The following SH3PXD2A variants were observed in gnomAD, a reference collection of about 807,000 sequenced individuals.
SH3PXD2A encodes the protein SH3 and PX domains 2A, also known as SH3 and PX domain-containing protein 2A.
A neutral mutation model predicts 115.2 loss-of-function variants in SH3PXD2A; 32 were observed. The observed-to-expected ratio is 0.28, with a 90% confidence interval of 0.21 to 0.37. The LOEUF (loss-of-function observed/expected upper bound fraction) is 0.37, where lower values mean the gene tolerates loss of function less well. SH3PXD2A is among the 10% of genes least tolerant of loss of function. The pLI is 1.00. For missense variants in SH3PXD2A, 1,328 were observed against 1,498.7 expected, an observed-to-expected ratio of 0.89 and a Z score of 1.88; for synonymous variants, 610 against 629.1, an observed-to-expected ratio of 0.97 and a Z score of 0.45.
At chr10:103,805,753 G>A (rs1262663792) in intron 1 of SH3PXD2A, among the ~76,000 whole-genome samples, 1 of 152,216 alleles carries the variant, frequency 6.6e-6, no homozygotes, top group Non-Finnish European at 1.5e-5. Flanking sequence ...GCAGGGCGCA[G>A]TGGCTCATGC....
chr10:103,644,157 G>A (rs1304116261), intron 8 of SH3PXD2A, among the ~76,000 whole-genome samples: 3 of 147,264 alleles, frequency 2.0e-5, no homozygotes, highest in Non-Finnish European at 3.0e-5. Flanking sequence ...CCGAACCTTG[G>A]TTCAAATCCA....
chr10:103,719,892 G>A (rs868492731), intron 5 of SH3PXD2A, among the ~76,000 whole-genome samples: 1 of 151,920 alleles, frequency 6.6e-6, no homozygotes, highest in South Asian at 2.1e-4. Context: ...GCTAATTTTT[G>A]TATTTTTAGC....
At chr10:103,841,552 A>T (rs1393017421) in intron 1 of SH3PXD2A, among the ~76,000 whole-genome samples, 2 of 152,176 alleles carry the variant, frequency 1.3e-5, no homozygotes, top group East Asian at 3.9e-4. Context: ...CCATTAGGTC[A>T]TCATGAGGCC....
chr10:103,650,630 CAAGGCCTACCTTCTCCAG>C (rs2134021502), intron 8 of SH3PXD2A, among the ~76,000 whole-genome samples: 1 of 152,314 alleles, frequency 6.6e-6, no homozygotes, highest in East Asian at 1.9e-4. Flanking sequence ...GCCCCTTGTT[CAAGGCCTACCTTCTCCAG>C]AAGTAGGCCT....
At chr10:103,709,849 T>C (rs1223937621) in intron 5 of SH3PXD2A, among the ~76,000 whole-genome samples, 1 of 152,246 alleles carries the variant, frequency 6.6e-6, no homozygotes, top group Non-Finnish European at 1.5e-5. Context: ...CTCATGCCTA[T>C]AATCCCAGCA....
At chr10:103,835,411 G>T (rs1467622363) in intron 1 of SH3PXD2A, among the ~76,000 whole-genome samples, 1 of 152,216 alleles carries the variant, frequency 6.6e-6, no homozygotes, top group Non-Finnish European at 1.5e-5. Flanking sequence ...GGGAAGGTCT[G>T]TTTCTCTGCC....
chr10:103,605,668 G>A, intron 14 of SH3PXD2A, 130 bp downstream of exon 14: 1 of 1,129,566 alleles, frequency 8.9e-7, no homozygotes, highest in Non-Finnish European at 1.3e-6. Flanking sequence ...CATCTTTGTG[G>A]GGCTCATTTC....
intron 7 of SH3PXD2A, chr10:103,661,514 C>T (rs963612081): frequency 1.0e-4 from 36 of 354,352 alleles, no homozygotes; most frequent in African/African-American, 7.3e-4. Flanking sequence ...GCCTCCCTCT[C>T]GGGCCGGCAG....
intron 2 of SH3PXD2A, among the ~76,000 whole-genome samples, chr10:103,787,419 T>C (rs74157342): frequency 0.046 from 7,023 of 152,316 alleles, 204 homozygotes; most frequent in South Asian, 0.11. Context: ...TCTTAAAACA[T>C]TGGCACTTTG....
chr10:103,618,989 G>A (rs996593208), intron 10 of SH3PXD2A, among the ~76,000 whole-genome samples: 1 of 152,230 alleles, frequency 6.6e-6, no homozygotes, highest in Non-Finnish European at 1.5e-5. Flanking sequence ...CTGCCAGGCT[G>A]TGAAGACAGA....
chr10:103,656,082 G>A (rs1457879293), intron 8 of SH3PXD2A, among the ~76,000 whole-genome samples: 8 of 152,188 alleles, frequency 5.3e-5, no homozygotes, highest in Non-Finnish European at 1.0e-4. Context: ...ACAGTATATA[G>A]ACTTAGATCT....
chr10:103,673,070 T>G (rs2037485498), intron 6 of SH3PXD2A: 1 of 152,330 alleles, frequency 6.6e-6, no homozygotes, highest in African/African-American at 2.4e-5. Context: ...TGCCCCTGAC[T>G]TTAAGGACAA....
intron 13 of SH3PXD2A, among the ~76,000 whole-genome samples, chr10:103,610,785 C>T (rs1052192646): frequency 6.6e-6 from 1 of 152,210 alleles, no homozygotes; most frequent in Non-Finnish European, 1.5e-5. Context: ...TAAGAGATGG[C>T]TAGTACTGTC....
chr10:103,630,025 T>A (rs1381033618), intron 8 of SH3PXD2A, among the ~76,000 whole-genome samples: 2 of 152,202 alleles, frequency 1.3e-5, no homozygotes, highest in Non-Finnish European at 2.9e-5. Context: ...TCCCCTGCCT[T>A]TTGCCTGAAG....
At chr10:103,677,079 C>T (rs115122066) in intron 6 of SH3PXD2A, among the ~76,000 whole-genome samples, 3,119 of 152,266 alleles carry the variant, frequency 0.02, 96 homozygotes, top group African/African-American at 0.07. Flanking sequence ...CCCTGAGAGC[C>T]GCGAGTGAGT....
intron 2 of SH3PXD2A, 29 bp from the exon 3 acceptor site, chr10:103,767,198 G>A (rs2038763509): frequency 6.4e-7 from 1 of 1,559,658 alleles, no homozygotes; most frequent in African/African-American, 1.4e-5. Flanking sequence ...AGAGGGACAG[G>A]ATTCAGAAGA....
chr10:103,660,903 G>T, intron 8 of SH3PXD2A, 80 bp downstream of exon 8: 1 of 1,419,226 alleles, frequency 7.0e-7, no homozygotes. Flanking sequence ...AGCGGTGGGG[G>T]AGGAGGGAGG....
chr10:103,721,220 C>T (rs139816218), intron 5 of SH3PXD2A, among the ~76,000 whole-genome samples: 1 of 152,366 alleles, frequency 6.6e-6, no homozygotes, highest in Non-Finnish European at 1.5e-5. Flanking sequence ...TAGCACCTGG[C>T]CGGGTTATTT....
rs564375600 is a variant in SH3PXD2A at position 103,594,448 on chromosome 10, G to T, written c.*7368C>A. On this transcript the variant is annotated 3_prime_UTR_variant, in exon 15 of 15. Coordinates refer to ENST00000369774, the MANE Select transcript of SH3PXD2A (RefSeq NM_001394015.1). ...CCTGACCCCACAGAGCCCACTAAGA[G>T]CTGGGAGGGGAATTCCATGAGGAAT... is the stretch of plus-strand genomic sequence containing the variant. 6.6e-6 allele frequency: 1 copy of T among 152,472 alleles called. No homozygotes were observed. Among genetic ancestry groups the T allele is most frequent in the Admixed American group, 6.5e-5 (1 of 15,306 alleles). 9.4% of individuals were successfully genotyped at this position (152,472 alleles called of 1,614,324 possible).
Sources: gnomAD v4.1 joint callset for allele counts (sites outside exome capture counted in the v4.1 genomes callset) on GRCh38, gnomAD v4.1.1 for gene constraint, MANE v1.5 for transcripts, NCBI Gene and HGNC (gene_info 2026-07-23, HGNC 2026-07-21) for gene names.